MAPKBP1: variants seen among roughly 807,000 people sequenced by gnomAD.
The protein encoded by MAPKBP1 is mitogen-activated protein kinase binding protein 1, also known as mitogen-activated protein kinase-binding protein 1.
MAPKBP1 carries 71 observed loss-of-function variants against 170.5 expected under a neutral mutation model. That is an observed-to-expected ratio of 0.42 (90% CI 0.34 to 0.51). The LOEUF is 0.51. MAPKBP1 is among the 20% of genes least tolerant of loss of function. The pLI is 0.06. For missense variants in MAPKBP1, 1,598 were observed against 1,933.0 expected (o/e 0.83, Z 3.25); for synonymous variants, 719 against 757.9 (o/e 0.95, Z 0.84).
In MAPKBP1 at chr15:41,785,072, A is replaced by C. The variant is rs1481395854; in HGVS notation, c.114+9683A>C. ...TTTAATGAATTTGAAAACACATTGTAAGTTTTAAATAACTTCACAGCTATA... is the reference window on the plus strand; with the variant it reads ...TTTAATGAATTTGAAAACACATTGTCAGTTTTAAATAACTTCACAGCTATA... On this transcript the variant is annotated intron_variant, in intron 2 of 30. Coordinates refer to ENST00000457542, the MANE Select transcript of MAPKBP1 (RefSeq NM_014994.3). Among the ~76,000 whole-genome samples the C allele has an allele frequency of 5.3e-5, 8 of 152,290 alleles. No homozygotes were observed. In the East Asian group the frequency reaches 1.5e-3, roughly 29 times the overall value.
At chr15:41,821,468 C>T (rs2064993922) in intron 23 of MAPKBP1, 116 bp from the exon 24 acceptor site, 1 of 950,352 alleles carries the variant, frequency 1.1e-6, no homozygotes, top group Non-Finnish European at 1.7e-6. Flanking sequence ...CCTTACTCAC[C>T]TCCACCTCTT....
intron 2 of MAPKBP1, among the ~76,000 whole-genome samples, chr15:41,796,031 TGAAAC>T (rs1347228688): frequency 6.6e-6 from 1 of 152,188 alleles, no homozygotes; most frequent in African/African-American, 2.4e-5. Flanking sequence ...AATAGTGACT[TGAAAC>T]TAAGTGGCAT....
At chr15:41,802,217 C>G (rs2064607804) in intron 3 of MAPKBP1, among the ~76,000 whole-genome samples, 1 of 152,026 alleles carries the variant, frequency 6.6e-6, no homozygotes, top group African/African-American at 2.4e-5. Context: ...ATGGAGTTTC[C>G]AGGACTGGAA....
chr15:41,783,350 G>GA (rs1222194659), intron 2 of MAPKBP1, among the ~76,000 whole-genome samples: 2 of 152,084 alleles, frequency 1.3e-5, no homozygotes, highest in South Asian at 2.1e-4. Flanking sequence ...TTCCAGTTGG[G>GA]AAAAAATGGA....
chr15:41,827,728 CTT>C lies in MAPKBP1; in HGVS notation c.*2295_*2296del, dbSNP rs1400639821. 1.8e-5 allele frequency: 3 copies of C among 170,748 alleles called. No homozygotes were observed. The highest frequency in any genetic ancestry group is 1.6e-4 in the East Asian group (1 of 6,422). The allele number at this position is 170,748 out of a possible 1,614,324, so 10.6% of individuals were successfully genotyped here. A position where few individuals can be genotyped will look rare whatever the true frequency, so the allele number is the denominator to read the frequency against. On this transcript the variant is annotated 3_prime_UTR_variant, in exon 31 of 31. Coordinates refer to ENST00000457542, the MANE Select transcript of MAPKBP1 (RefSeq NM_014994.3). ...TGTTTTGAAAGCCCCTTATTTATAA[CTT>C]TTATACTTTGTGCAGGTCGCGGCGC...
intron 6 of MAPKBP1, 30 bp downstream of exon 6, chr15:41,812,157 C>G (rs372095954): frequency 6.2e-7 from 1 of 1,612,710 alleles, no homozygotes. Context: ...GGCCTGGCAG[C>G]CTCACAGGGG....
Position 41,817,947 on chromosome 15 carries a change from AT to A in MAPKBP1, c.1905-61del. 6.4e-7 allele frequency: 1 copy of A among 1,565,470 alleles called. No homozygotes were observed. Among genetic ancestry groups the A allele is most frequent in the South Asian group, 1.1e-5 (1 of 89,752 alleles). The stretch of plus-strand genomic sequence containing the variant: ...ACTGGGAGTGAAAGCTGGCATTTCC[AT>A]CCCCCAGGCGTGTTCCACCTTCACC... On this transcript the variant is annotated intron_variant, in intron 16 of 30. Coordinates refer to ENST00000457542, the MANE Select transcript of MAPKBP1 (RefSeq NM_014994.3). The surrounding 1 kb of genome is among the most constrained non-coding windows in gnomAD (Gnocchi z 4.2).
intron 29 of MAPKBP1, 51 bp from the exon 30 acceptor site, chr15:41,824,433 C>T (rs1248460100): frequency 8.6e-6 from 13 of 1,503,800 alleles, no homozygotes; most frequent in Non-Finnish European, 1.2e-5. Context: ...GGTGCGGAGG[C>T]CTGAAAGGGC....
chr15:41,812,074 A>C lies in MAPKBP1; in HGVS notation c.445A>C (p.Ile149Leu), dbSNP rs1451690194. 6.2e-7 allele frequency: 1 copy of C among 1,613,450 alleles called. No individual in the cohort carries two copies. Among genetic ancestry groups the C allele is most frequent in the African/African-American group, 1.3e-5 (1 of 74,688 alleles). Reference protein sequence around the residue: ...CVAFSPSAKYIVSVGYQHDMI... With the variant: ...CVAFSPSAKYLVSVGYQHDMI... ...GGCCTTCTCTCCTAGCGCCAAGTAC[A>C]TTGTCTCTGTGGGCTACCAGCATGA... Residue 149 changes from isoleucine to leucine, a missense_variant, in exon 6 of 31, where the codon ATT becomes CTT. Physicochemically the swap from Ile to Leu is conservative, Grantham distance 5. Coordinates refer to ENST00000457542, the MANE Select transcript of MAPKBP1 (RefSeq NM_014994.3).
rs535354399 is a variant in MAPKBP1 at position 41,812,996 on chromosome 15, C to T, written c.714C>T (p.Ala238=). The T allele has an allele frequency of 3.1e-6, 5 of 1,614,002 alleles. No homozygotes were observed. The Admixed American group carries it at 5.0e-5, about 16-fold the overall frequency. Residue 238 remains alanine, a synonymous_variant, in exon 8 of 31, where the codon GCC becomes GCT. Transcript: ENST00000457542. ...GGAACAACCTATTCACTGATGTGGC[C>T]TGTGGCAGAGGAAAAAAGGCGGACA... ...ELRNNLFTDV[A]CGRGKKADST...
At position 41,825,692 on chromosome 15, in the gene MAPKBP1, A is replaced by G. The variant is rs1048957660; in HGVS notation, c.*256A>G. On this transcript the variant is annotated 3_prime_UTR_variant, in exon 31 of 31. Transcript: ENST00000457542. Reference sequence around the variant, plus strand: ...CAGGGACAGGTCTTGGGTCTTTGTCATCTTGGTGCTGTGAGAGGTAGGAGG... The same window carrying G: ...CAGGGACAGGTCTTGGGTCTTTGTCGTCTTGGTGCTGTGAGAGGTAGGAGG... 9.6e-6 allele frequency: 4 copies of G among 417,998 alleles called. No homozygotes were observed. Among genetic ancestry groups the G allele is most frequent in the Non-Finnish European group, 1.7e-5 (4 of 232,558 alleles). 25.9% of individuals were successfully genotyped at this position (417,998 alleles called of 1,614,324 possible).
At position 41,823,057 on chromosome 15, in the gene MAPKBP1, G is replaced by A; in HGVS notation, c.3433G>A (p.Val1145Met). Reference sequence around the variant, plus strand: ...CAATCCCCCTGGAGCACCCCCGGAGGTGGAACCGTCCTCTGGCAACCCCAG... The same window carrying A: ...CAATCCCCCTGGAGCACCCCCGGAGATGGAACCGTCCTCTGGCAACCCCAG... ...GANPPGAPPE[V>M]EPSSGNPSPQ... The change falls in exon 28 of 31, where the codon GTG (valine) becomes ATG (methionine). Residue 1145 changes from valine (V) to methionine (M), a missense_variant. Val to Met is a conservative substitution (Grantham distance 21). Transcript: ENST00000457542. The A allele has an allele frequency of 1.2e-6, 2 of 1,613,824 alleles. No homozygotes were observed. Among genetic ancestry groups the A allele is most frequent in the South Asian group, 1.1e-5 (1 of 91,064 alleles).
At chr15:41,804,704 C>T (rs2064659527) in intron 3 of MAPKBP1, among the ~76,000 whole-genome samples, 1 of 152,220 alleles carries the variant, frequency 6.6e-6, no homozygotes, top group Non-Finnish European at 1.5e-5. Context: ...GAGTCATGAT[C>T]CTTCCAGATG....
chr15:41,812,088 C>T lies in MAPKBP1; in HGVS notation c.459C>T (p.Gly153=), dbSNP rs763751880. Residue 153 remains glycine (G), a synonymous_variant, in exon 6 of 31, where the codon GGC becomes GGT. Transcript: ENST00000457542. ...SPSAKYIVSV[G]YQHDMIVNVW... ...GCGCCAAGTACATTGTCTCTGTGGG[C>T]TACCAGCATGACATGATCGTCAACG... The T allele has an allele frequency of 6.2e-7, 1 of 1,614,116 alleles. No homozygotes were observed. The highest frequency in any genetic ancestry group is 8.5e-7 in the Non-Finnish European group (1 of 1,180,028).
At position 41,817,847 on chromosome 15, in the gene MAPKBP1, T is replaced by G; in HGVS notation, c.1904+112T>G. On this transcript the variant is annotated intron_variant, in intron 16 of 30. Coordinates refer to ENST00000457542, the MANE Select transcript of MAPKBP1 (RefSeq NM_014994.3). The surrounding 1 kb of genome is among the most constrained non-coding windows in gnomAD (Gnocchi z 4.2). ...TTCTGTACAGGACTTTGTACCCCCT[T>G]GAGCCTACAGTACTTTGCTTCACCC... 1.3e-6 allele frequency: 2 copies of G among 1,568,686 alleles called. No individual in the cohort carries two copies. Among genetic ancestry groups the G allele is most frequent in the Non-Finnish European group, 1.7e-6 (2 of 1,147,448 alleles).
chr15:41,818,100 G>A lies in MAPKBP1; in HGVS notation c.1980+16G>A. 1 of 1,613,854 alleles carries A rather than the reference G, an allele frequency of 6.2e-7. No individual in the cohort carries two copies. The highest frequency in any genetic ancestry group is 8.5e-7 in the Non-Finnish European group (1 of 1,179,762). The stretch of plus-strand genomic sequence containing the variant: ...ACTCATTAAGGTAAGGACCCAGAGG[G>A]GGTACTGGACAGGGGCTCGGGGACA... On this transcript the variant is annotated intron_variant, in intron 17 of 30. Coordinates refer to ENST00000457542, the MANE Select transcript of MAPKBP1 (RefSeq NM_014994.3). This position sits in a 1 kb window ranked among gnomAD's most constrained non-coding sequence, Gnocchi z 5.2.
intron 2 of MAPKBP1, among the ~76,000 whole-genome samples, chr15:41,789,609 G>A (rs2064360430): frequency 6.6e-6 from 1 of 152,144 alleles, no homozygotes; most frequent in Non-Finnish European, 1.5e-5. Flanking sequence ...GGTGTCTGCT[G>A]TCTATATTTG....
intron 3 of MAPKBP1, among the ~76,000 whole-genome samples, chr15:41,808,107 T>TTC (rs1415011116): frequency 4.6e-4 from 17 of 37,070 alleles, no homozygotes; most frequent in East Asian, 1.6e-3. Context: ...CTTTCTTTCT[T>TTC]TTTTTTTTTT....
chr15:41,817,379 C>T lies in MAPKBP1; in HGVS notation c.1712-9C>T. ...ACAGTGGGAACAGCTGGGCTTCCCT[C>T]CTTCATAGCCAGTGATGGGCAAGTC... On this transcript the variant is annotated splice_polypyrimidine_tract_variant and intron_variant, in intron 14 of 30. Coordinates refer to ENST00000457542, the MANE Select transcript of MAPKBP1 (RefSeq NM_014994.3). The surrounding 1 kb of genome is among the most constrained non-coding windows in gnomAD (Gnocchi z 4.2). 1.2e-6 allele frequency: 2 copies of T among 1,614,104 alleles called. No individual in the cohort carries two copies. Among genetic ancestry groups the T allele is most frequent in the Non-Finnish European group, 1.7e-6 (2 of 1,179,966 alleles).
Sources: gnomAD v4.1 joint callset for allele counts (sites outside exome capture counted in the v4.1 genomes callset) on GRCh38, gnomAD v4.1.1 for gene constraint, Gnocchi (gnomAD v3.1) non-coding constraint, MANE v1.5 for transcripts, NCBI Gene and HGNC (gene_info 2026-07-23, HGNC 2026-07-21) for gene names.